The following CASK variants were observed in gnomAD, a reference collection of about 807,000 sequenced individuals.
CASK encodes the protein calcium/calmodulin dependent serine protein kinase.
A neutral mutation model predicts 82.9 loss-of-function variants in CASK; 4 were observed. That is an observed-to-expected ratio of 0.05 (90% CI 0.02 to 0.11). The LOEUF (loss-of-function observed/expected upper bound fraction) is 0.11. CASK is among the 10% of genes least tolerant of loss of function. The pLI, the probability that CASK is intolerant of heterozygous loss-of-function variation, is 1.00. For missense variants in CASK, 358 were observed against 720.9 expected (o/e 0.50, Z 5.76); for synonymous variants, 259 against 253.5 (o/e 1.02, Z -0.20).
intron 5 of CASK, among the ~76,000 whole-genome samples, chrX:41,719,744 A>G (rs760607034): frequency 2.8e-3 from 311 of 112,057 alleles, no homozygotes; most frequent in Admixed American, 3.1e-3. Context: ...TTGGCTAGCA[A>G]CTTAGAACTT....
At chrX:41,673,068 G>T (rs1046873968) in intron 5 of CASK, among the ~76,000 whole-genome samples, 6 of 111,886 alleles carry the variant, frequency 5.4e-5, no homozygotes, top group African/African-American at 1.9e-4. Context: ...ACTCCAACAG[G>T]GTCTTCTGGC....
At chrX:41,869,106 G>T (rs2071646851) in intron 1 of CASK, among the ~76,000 whole-genome samples, 1 of 111,408 alleles carries the variant, frequency 9.0e-6, no homozygotes, top group African/African-American at 3.3e-5. Flanking sequence ...GAGAAAAAGG[G>T]AACTCACAGT....
At position 41,610,041 on chromosome X, in the gene CASK, A is replaced by G; in HGVS notation, c.1034-16T>C. 8.3e-7 allele frequency: 1 copy of G among 1,207,854 alleles called. No individual in the cohort carries two copies. Among genetic ancestry groups the G allele is most frequent in the Non-Finnish European group, 1.1e-6 (1 of 892,723 alleles). On this transcript the variant is annotated splice_polypyrimidine_tract_variant and intron_variant, in intron 11 of 26. Coordinates refer to ENST00000378163, the MANE Select transcript of CASK (RefSeq NM_001367721.1). ...GAGACTGCTCCTAAGGGGGACAAAC[A>G]GAAAAGAAACAGCCAGTATAGAAAG...
At chrX:41,694,785 C>A (rs2067646255) in intron 5 of CASK, among the ~76,000 whole-genome samples, 1 of 111,792 alleles carries the variant, frequency 8.9e-6, no homozygotes, top group Admixed American at 9.5e-5. Context: ...ATGTTAATTG[C>A]ATGCCCTAAG....
intron 2 of CASK, among the ~76,000 whole-genome samples, chrX:41,822,375 TG>T (rs2070562965): frequency 1.8e-5 from 2 of 108,610 alleles, no homozygotes; most frequent in East Asian, 5.8e-4. Flanking sequence ...CTGGGCAACA[TG>T]GTGAAACCCC....
chrX:41,838,328 ATTTG>A (rs1285673656), intron 2 of CASK, among the ~76,000 whole-genome samples: 1 of 111,897 alleles, frequency 8.9e-6, no homozygotes, highest in East Asian at 2.8e-4. Flanking sequence ...CAATTGGACT[ATTTG>A]TTTTATTTTT....
At chrX:41,672,008 CTCTTT>C (rs773231034) in intron 5 of CASK, among the ~76,000 whole-genome samples, 30 of 111,595 alleles carry the variant, frequency 2.7e-4, no homozygotes, top group African/African-American at 8.8e-4. Context: ...CTGCCCAGTC[CTCTTT>C]TCTTTGCTTT....
At chrX:41,772,933 G>A (rs1449250679) in intron 3 of CASK, among the ~76,000 whole-genome samples, 1 of 111,675 alleles carries the variant, frequency 9.0e-6, no homozygotes, top group African/African-American at 3.3e-5. Context: ...CCCAGGAGGC[G>A]GAAGTTGCAG....
chrX:41,872,927 A>T (rs1852399733), intron 1 of CASK, among the ~76,000 whole-genome samples: 1 of 111,125 alleles, frequency 9.0e-6, no homozygotes, highest in South Asian at 3.8e-4. Flanking sequence ...TGTCTAACAC[A>T]TTAGCTGGGG....
intron 6 of CASK, among the ~76,000 whole-genome samples, chrX:41,666,876 T>C (rs1390409483): frequency 9.0e-6 from 1 of 111,695 alleles, no homozygotes; most frequent in Non-Finnish European, 1.9e-5. Flanking sequence ...CCTTCCATAC[T>C]TCATTAATAG....
At chrX:41,722,045 G>A (rs1157441836) in intron 5 of CASK, among the ~76,000 whole-genome samples, 1 of 112,216 alleles carries the variant, frequency 8.9e-6, no homozygotes, top group East Asian at 2.8e-4. Context: ...TAGGAACATA[G>A]TAGAAACTCC....
At chrX:41,706,238 T>C (rs774478044) in intron 5 of CASK, among the ~76,000 whole-genome samples, 14 of 111,433 alleles carry the variant, frequency 1.3e-4, no homozygotes, top group African/African-American at 4.6e-4. Context: ...TCAGCTCTTG[T>C]GGGGACTGAT....
At chrX:41,780,462 T>C (rs762742572) in intron 3 of CASK, among the ~76,000 whole-genome samples, 6 of 111,537 alleles carry the variant, frequency 5.4e-5, no homozygotes, top group South Asian at 7.5e-4. Flanking sequence ...AAAGTGAATG[T>C]CTAGAGGTGG....
At chrX:41,796,474 T>C (rs191454017) in intron 2 of CASK, among the ~76,000 whole-genome samples, 27 of 112,484 alleles carry the variant, frequency 2.4e-4, no homozygotes, top group African/African-American at 8.1e-4. Flanking sequence ...CTGCTATATA[T>C]AGTGTAGTTC....
intron 5 of CASK, among the ~76,000 whole-genome samples, chrX:41,699,151 C>T (rs1353816561): frequency 9.0e-6 from 1 of 111,067 alleles, no homozygotes; most frequent in Non-Finnish European, 1.9e-5. Flanking sequence ...TCTCGAACTC[C>T]TGACCTCAAG....
chrX:41,757,675 G>C (rs1193142466), intron 3 of CASK, among the ~76,000 whole-genome samples: 1 of 111,828 alleles, frequency 8.9e-6, no homozygotes, highest in Admixed American at 9.5e-5. Flanking sequence ...ACCATGTCTG[G>C]CTAAGTTTTA....
At chrX:41,920,159 T>C (rs1478764707) in intron 1 of CASK, among the ~76,000 whole-genome samples, 1 of 111,597 alleles carries the variant, frequency 9.0e-6, no homozygotes, top group Admixed American at 9.5e-5. Flanking sequence ...CCTATTAAGA[T>C]CTAGTGGTGA....
chrX:41,847,762 T>C (rs1422701014), intron 2 of CASK, among the ~76,000 whole-genome samples: 1 of 112,288 alleles, frequency 8.9e-6, no homozygotes, highest in African/African-American at 3.2e-5. Context: ...CTGCAGTCTG[T>C]ATTCTTTTTT....
chrX:41,751,861 G>C (rs907715717), intron 3 of CASK, among the ~76,000 whole-genome samples: 1 of 110,228 alleles, frequency 9.1e-6, no homozygotes, highest in South Asian at 3.9e-4. Flanking sequence ...CTGGGCAAAA[G>C]AGTGAGATGC....
Sources: allele counts gnomAD v4.1 joint callset (sites outside exome capture counted in the v4.1 genomes callset), GRCh38; gene constraint gnomAD v4.1.1; transcripts MANE v1.5; gene names NCBI Gene and HGNC (gene_info 2026-07-23, HGNC 2026-07-21).